ZNF536: variants seen among roughly 807,000 people sequenced by gnomAD.
The protein encoded by ZNF536 is zinc finger protein 536.
ZNF536 carries 13 observed loss-of-function variants against 84.5 expected under a neutral mutation model. The observed-to-expected ratio is 0.15, with a 90% CI of 0.10 to 0.24. ZNF536 has a LOEUF of 0.24. Ranked by LOEUF, ZNF536 falls within the 10% of genes least tolerant of loss-of-function variation. The pLI, the probability that ZNF536 is intolerant of heterozygous loss-of-function variation, is 1.00. For missense variants in ZNF536, 1,536 were observed against 1,747.5 expected (o/e 0.88, Z 2.16); for synonymous variants, 811 against 742.5 (o/e 1.09, Z -1.50).
intron 2 of ZNF536, among the ~76,000 whole-genome samples, chr19:30,482,573 C>G (rs2054133508): frequency 6.6e-6 from 1 of 151,978 alleles, no homozygotes; most frequent in African/African-American, 2.4e-5. Context: ...TAACTAATTC[C>G]TCCCTATTAG....
intron 1 of ZNF536, among the ~76,000 whole-genome samples, chr19:30,648,047 G>A (rs906626722): frequency 6.6e-5 from 10 of 152,254 alleles, no homozygotes; most frequent in African/African-American, 1.9e-4. Context: ...GGGATGCATC[G>A]GTTCTCCTAT....
upstream of ZNF536, among the ~76,000 whole-genome samples, chr19:30,227,749 G>A (rs1435627079): frequency 1.3e-5 from 2 of 151,598 alleles, no homozygotes; most frequent in East Asian, 3.9e-4. Flanking sequence ...AGCCGCCGCC[G>A]CCGCCGCCGC....
At chr19:30,421,727 A>G (rs1172021019) in intron 1 of ZNF536, among the ~76,000 whole-genome samples, 1 of 152,008 alleles carries the variant, frequency 6.6e-6, no homozygotes, top group Non-Finnish European at 1.5e-5. Flanking sequence ...TGAGAGATCT[A>G]CCCTTGTCAC....
At chr19:30,430,500 T>C (rs117162369) in intron 1 of ZNF536, among the ~76,000 whole-genome samples, 3,176 of 152,208 alleles carry the variant, frequency 0.021, 67 homozygotes, top group East Asian at 0.078. Context: ...GAGGCCAAGA[T>C]ACCGTGGAGA....
At chr19:30,448,870 G>A (rs2052472591) in intron 2 of ZNF536, among the ~76,000 whole-genome samples, 1 of 152,168 alleles carries the variant, frequency 6.6e-6, no homozygotes, top group South Asian at 2.1e-4. Context: ...ATGAAGAAGG[G>A]GTCAAGTTTG....
At chr19:30,600,595 C>A (rs1020244499) in intron 1 of ZNF536, among the ~76,000 whole-genome samples, 2 of 152,164 alleles carry the variant, frequency 1.3e-5, no homozygotes, top group Non-Finnish European at 2.9e-5. Context: ...ACCTGCCATG[C>A]ATTTGAGGGA....
Position 30,578,649 on chromosome 19 carries a change from C to T in ZNF536, c.169+29135C>T, listed in dbSNP as rs775048155. Among the ~76,000 whole-genome samples the T allele has an allele frequency of 7.2e-5, 11 of 152,216 alleles. No individual in the cohort carries two copies. In the East Asian group the frequency reaches 1.3e-3, roughly 19 times the overall value. On this transcript the variant is annotated intron_variant, in intron 1 of 1. Transcript: ENST00000592773. ...GGTCTAGTTTTTTGCAGAATACTCA[C>T]GTGCATCTTTTGAGCTCTTGAAATA...
intron 1 of ZNF536, among the ~76,000 whole-genome samples, chr19:30,272,402 T>C (rs1415907829): frequency 2.6e-5 from 4 of 152,236 alleles, no homozygotes; most frequent in South Asian, 4.1e-4. Context: ...TTGTTATGAT[T>C]GTTGAACCAA....
intron 2 of ZNF536, among the ~76,000 whole-genome samples, chr19:30,486,286 G>T (rs1383355730): frequency 6.6e-6 from 1 of 152,144 alleles, no homozygotes; most frequent in Non-Finnish European, 1.5e-5. Flanking sequence ...AGTGTGTGTT[G>T]TTCCCCTCCC....
intron 3 of ZNF536, among the ~76,000 whole-genome samples, chr19:30,364,453 G>C (rs921627097): frequency 6.6e-6 from 1 of 152,204 alleles, no homozygotes; most frequent in Non-Finnish European, 1.5e-5. Flanking sequence ...CTTGAGCCCA[G>C]GGGTCAGTGA....
chr19:30,374,899 G>A (rs919628409), intron 1 of ZNF536, among the ~76,000 whole-genome samples: 1 of 151,686 alleles, frequency 6.6e-6, no homozygotes, highest in Non-Finnish European at 1.5e-5. Flanking sequence ...CCGCGAGCCG[G>A]AAGAGCGCCC....
At chr19:30,249,817 T>C (rs1291191044) in intron 1 of ZNF536, among the ~76,000 whole-genome samples, 2 of 152,150 alleles carry the variant, frequency 1.3e-5, no homozygotes, top group Admixed American at 6.5e-5. Context: ...GAAGGGACCA[T>C]TCATGAAGTC....
At chr19:30,400,207 T>C (rs2049991601) in intron 1 of ZNF536, among the ~76,000 whole-genome samples, 1 of 152,060 alleles carries the variant, frequency 6.6e-6, no homozygotes, top group Admixed American at 6.5e-5. Flanking sequence ...GGTTTTTGGG[T>C]GAACGTAAGT....
intron 1 of ZNF536, among the ~76,000 whole-genome samples, chr19:30,655,299 C>G (rs1416308903): frequency 2.0e-5 from 3 of 152,210 alleles, no homozygotes; most frequent in Non-Finnish European, 2.9e-5. Context: ...TCTTCATCAT[C>G]TTCTCAGAGA....
At chr19:30,574,053 G>C (rs982034131) in intron 1 of ZNF536, among the ~76,000 whole-genome samples, 3 of 152,196 alleles carry the variant, frequency 2.0e-5, no homozygotes, top group Admixed American at 6.5e-5. Flanking sequence ...CCAGCTGGCT[G>C]TTATATTGTT....
At chr19:30,297,771 T>C (rs903041741) in intron 2 of ZNF536, among the ~76,000 whole-genome samples, 2 of 152,276 alleles carry the variant, frequency 1.3e-5, no homozygotes, top group East Asian at 3.9e-4. Context: ...CTGCCTGTAT[T>C]GTTATGCATG....
At chr19:30,461,183 G>A (rs1052299178) in intron 2 of ZNF536, among the ~76,000 whole-genome samples, 8 of 152,176 alleles carry the variant, frequency 5.3e-5, no homozygotes, top group African/African-American at 1.9e-4. Flanking sequence ...CAGCGTATCA[G>A]CGGTTGTGTA....
chr19:30,502,842 T>C (rs1340851257), intron 2 of ZNF536, among the ~76,000 whole-genome samples: 2 of 152,100 alleles, frequency 1.3e-5, no homozygotes, highest in East Asian at 3.9e-4. Flanking sequence ...CCATTTAAAG[T>C]TGGATTTCTA....
At chr19:30,348,819 T>C (rs2047835657) in intron 2 of ZNF536, among the ~76,000 whole-genome samples, 1 of 146,514 alleles carries the variant, frequency 6.8e-6, no homozygotes. Context: ...CTTTTCTTTT[T>C]TTTTTTTTAT....
Sources: allele counts gnomAD v4.1 joint callset (sites outside exome capture counted in the v4.1 genomes callset), GRCh38; gene constraint gnomAD v4.1.1; transcripts MANE v1.5; gene names NCBI Gene and HGNC (gene_info 2026-07-23, HGNC 2026-07-21).